The following SLC4A4 variants were observed in gnomAD, a reference collection of about 807,000 sequenced individuals.
SLC4A4 encodes solute carrier family 4 member 4.
Under a neutral mutation model 111.5 loss-of-function variants are expected in SLC4A4, and 27 were observed. The ratio of observed to expected loss-of-function variants is 0.24; its 90% confidence interval spans 0.18 to 0.33. SLC4A4 has a LOEUF of 0.33. Among genes scored for constraint, SLC4A4 ranks in the 10% least tolerant of loss-of-function variants. SLC4A4 has a pLI of 1.00. For missense variants in SLC4A4, 909 were observed against 1,315.5 expected (o/e 0.69, Z 4.78); for synonymous variants, 443 against 463.4 (o/e 0.96, Z 0.57).
intron 1 of SLC4A4, among the ~76,000 whole-genome samples, chr4:71,226,143 T>C (rs558866253): frequency 6.6e-6 from 1 of 151,982 alleles, no homozygotes; most frequent in East Asian, 1.9e-4. Context: ...TATTTATTAT[T>C]TTTTTTTAGA....
At chr4:71,366,000 A>T (rs555117114) in intron 6 of SLC4A4, among the ~76,000 whole-genome samples, 2 of 152,168 alleles carry the variant, frequency 1.3e-5, no homozygotes, top group African/African-American at 4.8e-5. Context: ...TAATAATGTG[A>T]TGGTGAAGGG....
intron 12 of SLC4A4, among the ~76,000 whole-genome samples, chr4:71,457,493 A>G (rs1277864373): frequency 6.6e-6 from 1 of 152,156 alleles, no homozygotes; most frequent in Non-Finnish European, 1.5e-5. Flanking sequence ...AGTTGACATT[A>G]CATTCATCTG....
At position 71,569,119 on chromosome 4, in the gene SLC4A4, AAAGTCATTG is replaced by A. The variant is rs1737739116; in HGVS notation, c.*1371_*1379del. On this transcript the variant is annotated 3_prime_UTR_variant, in exon 26 of 26. Coordinates refer to ENST00000264485, the MANE Select transcript of SLC4A4 (RefSeq NM_001098484.3). ...AAAAGAGTGATGGTAGGCAGAGGGC[AAAGTCATTG>A]AATCTCTTATGCCAGTTTTCATAAA... 1 of 151,662 alleles carries A rather than the reference AAAGTCATTG, an allele frequency of 6.6e-6. No homozygotes were observed. The highest frequency in any genetic ancestry group is 1.5e-5 in the Non-Finnish European group (1 of 67,782). The allele number at this position is 151,662 out of a possible 1,614,324, so 9.4% of individuals were successfully genotyped here. A position where few individuals can be genotyped will look rare whatever the true frequency, so the allele number is the denominator to read the frequency against.
chr4:71,550,182 T>C (rs1438348658), intron 20 of SLC4A4, among the ~76,000 whole-genome samples: 1 of 151,986 alleles, frequency 6.6e-6, no homozygotes, highest in African/African-American at 2.4e-5. Context: ...GTTTTGGCAA[T>C]ATAGTTTATA....
intron 4 of SLC4A4, among the ~76,000 whole-genome samples, chr4:71,340,326 C>A (rs921478375): frequency 2.6e-5 from 4 of 152,130 alleles, no homozygotes; most frequent in African/African-American, 7.2e-5. Context: ...TTCATGGTTT[C>A]GGTTACTCAC....
chr4:71,291,929 A>G (rs1167203886), intron 3 of SLC4A4, among the ~76,000 whole-genome samples: 1 of 152,092 alleles, frequency 6.6e-6, no homozygotes, highest in Non-Finnish European at 1.5e-5. Context: ...GTATCTATTT[A>G]TGGATTATGT....
intron 1 of SLC4A4, among the ~76,000 whole-genome samples, chr4:71,207,987 T>G (rs1717883325): frequency 6.6e-6 from 1 of 152,096 alleles, no homozygotes; most frequent in South Asian, 2.1e-4. Context: ...TAATTTTAGT[T>G]TTTATAGAGA....
At chr4:71,293,061 T>C (rs1724500546) in intron 3 of SLC4A4, among the ~76,000 whole-genome samples, 1 of 150,460 alleles carries the variant, frequency 6.6e-6, no homozygotes, top group Admixed American at 6.6e-5. Context: ...CAGGCTGGTC[T>C]TGAACTCCTG....
chr4:71,554,083 A>G (rs975192485), intron 20 of SLC4A4, among the ~76,000 whole-genome samples: 3 of 151,910 alleles, frequency 2.0e-5, no homozygotes, highest in South Asian at 4.1e-4. Context: ...ATAGTGGCCA[A>G]AGAGTCTCAG....
rs1303533850 is a variant in SLC4A4, at chr4:71,451,168, G to A, written c.1209-20G>A. The stretch of plus-strand genomic sequence containing the variant: ...AATAAAATAAACTAATATACTCTTG[G>A]GCTCTGTTGTCTTGCTTAGAAAGAA... On this transcript the variant is annotated intron_variant, in intron 10 of 25. Coordinates refer to ENST00000264485, the MANE Select transcript of SLC4A4 (RefSeq NM_001098484.3). 7.0e-7 allele frequency: 1 copy of A among 1,431,810 alleles called. No individual in the cohort carries two copies. Among genetic ancestry groups the A allele is most frequent in the Non-Finnish European group, 9.9e-7 (1 of 1,013,638 alleles). 88.7% of individuals were successfully genotyped at this position (1,431,810 alleles called of 1,614,324 possible). A position where few individuals can be genotyped will look rare whatever the true frequency, so the allele number is the denominator to read the frequency against.
At chr4:71,522,247 T>C (rs1025783723) in intron 16 of SLC4A4, among the ~76,000 whole-genome samples, 4 of 152,202 alleles carry the variant, frequency 2.6e-5, no homozygotes, top group African/African-American at 9.6e-5. Context: ...AGTCAAATTC[T>C]TTCAGCATCA....
intron 4 of SLC4A4, among the ~76,000 whole-genome samples, chr4:71,343,692 C>T (rs1729072218): frequency 6.6e-6 from 1 of 152,184 alleles, no homozygotes; most frequent in Admixed American, 6.5e-5. Context: ...AACTCTAGTT[C>T]ATCCCATCAT....
chr4:71,169,770 C>T (rs1024543641), intron 2 of SLC4A4, among the ~76,000 whole-genome samples: 1 of 152,310 alleles, frequency 6.6e-6, no homozygotes, highest in Non-Finnish European at 1.5e-5. Flanking sequence ...CAAGGGCCTT[C>T]TTGCCAGTTC....
chr4:71,122,698 G>A (rs1000405628), intron 2 of SLC4A4, among the ~76,000 whole-genome samples: 1 of 152,152 alleles, frequency 6.6e-6, no homozygotes, highest in African/African-American at 2.4e-5. Context: ...TGAAGAAATT[G>A]AACTGTCTCA....
chr4:71,143,871 A>G (rs984651044), intron 2 of SLC4A4, among the ~76,000 whole-genome samples: 1 of 152,080 alleles, frequency 6.6e-6, no homozygotes, highest in African/African-American at 2.4e-5. Flanking sequence ...AGTGGGTTGC[A>G]AAAATTTTCT....
chr4:71,192,529 T>G (rs969279202), intron 1 of SLC4A4, among the ~76,000 whole-genome samples: 11 of 152,028 alleles, frequency 7.2e-5, no homozygotes, highest in Non-Finnish European at 1.5e-4. Context: ...GAAAACAGCG[T>G]GGTAGTAAAG....
chr4:71,338,506 C>T (rs1728610250), intron 3 of SLC4A4, among the ~76,000 whole-genome samples: 2 of 151,136 alleles, frequency 1.3e-5, no homozygotes, highest in Admixed American at 1.3e-4. Context: ...GCTTTTCTTT[C>T]TCTCTCTCTC....
At position 71,208,440 on chromosome 4, in the gene SLC4A4, A is replaced by AT. The variant is rs202025652; in HGVS notation, c.-2+21039_-2+21040insT. Among the ~76,000 whole-genome samples, 1,101 of 133,402 alleles carry AT rather than the reference A, an allele frequency of 8.3e-3. 17 individuals carry two copies. Among genetic ancestry groups the AT allele is most frequent in the Admixed American group, 0.032 (452 of 13,972 alleles). 87.5% of individuals were successfully genotyped at this position (133,402 alleles called of 152,430 possible). A position where few individuals can be genotyped will look rare whatever the true frequency, so the allele number is the denominator to read the frequency against. On this transcript the variant is annotated intron_variant, in intron 1 of 25. Coordinates refer to ENST00000264485, the MANE Select transcript of SLC4A4 (RefSeq NM_001098484.3). ...GGTGAGACTCCGTCTCAAAAAAAAA[A>AT]AAAATATATATATATATAATAAAAC...
At chr4:71,344,741 A>G (rs2148895897) in intron 4 of SLC4A4, among the ~76,000 whole-genome samples, 1 of 152,244 alleles carries the variant, frequency 6.6e-6, no homozygotes, top group South Asian at 2.1e-4. Flanking sequence ...TATTATTGAG[A>G]TGGCTAATGA....
Sources: allele counts gnomAD v4.1 joint callset (sites outside exome capture counted in the v4.1 genomes callset), GRCh38; gene constraint gnomAD v4.1.1; transcripts MANE v1.5; gene names NCBI Gene and HGNC (gene_info 2026-07-23, HGNC 2026-07-21).